PRELID2: variants seen among roughly 807,000 people sequenced by gnomAD.
PRELID2 encodes PRELI domain-containing protein 2.
PRELID2 carries 25 observed loss-of-function variants against 28.4 expected under a neutral mutation model. The ratio of observed to expected loss-of-function variants is 0.88; its 90% CI spans 0.64 to 1.23. PRELID2 has a LOEUF of 1.23. PRELID2 is among the 50% of genes most tolerant of loss of function. PRELID2 has a pLI of 0.00. For synonymous variants in PRELID2, 76 were observed against 71.6 expected (o/e 1.06, Z -0.31); for missense variants, 201 against 214.4 (o/e 0.94, Z 0.39).
chr5:145,251,275 A>G, the PRELID2 span, among the ~76,000 whole-genome samples: 1 of 152,106 alleles, frequency 6.6e-6, no homozygotes, highest in South Asian at 2.1e-4. Context: ...GAGCATAGTA[A>G]ATTATTTTCC....
At chr5:145,252,734 G>A in the PRELID2 span, among the ~76,000 whole-genome samples, 1 of 152,020 alleles carries the variant, frequency 6.6e-6, no homozygotes, top group Non-Finnish European at 1.5e-5. Flanking sequence ...TGTTTAAAAG[G>A]TACAGAGCTT....
chr5:145,732,942 G>C (rs996195389), intron 1 of PRELID2, among the ~76,000 whole-genome samples: 9 of 151,336 alleles, frequency 5.9e-5, no homozygotes, highest in African/African-American at 1.9e-4. Context: ...ATTATCCAAG[G>C]CACTAAAAAT....
At chr5:145,333,289 A>T in the PRELID2 span, among the ~76,000 whole-genome samples, 1 of 152,196 alleles carries the variant, frequency 6.6e-6, no homozygotes, top group Non-Finnish European at 1.5e-5. Context: ...TTAGCAGAGC[A>T]TGAGCGCTAT....
the PRELID2 span, chr5:145,229,830 G>A: frequency 1.2e-5 from 9 of 759,364 alleles, no homozygotes; most frequent in South Asian, 5.4e-5. Context: ...CCCCTGCATC[G>A]CCAAGTCCCA....
the PRELID2 span, among the ~76,000 whole-genome samples, chr5:145,267,791 CT>C: frequency 6.6e-6 from 1 of 152,138 alleles, no homozygotes; most frequent in Non-Finnish European, 1.5e-5. Flanking sequence ...ACAAAGGTTG[CT>C]TTTTCTGCAC....
chr5:145,545,209 G>A (rs960463492), intron 1 of PRELID2, among the ~76,000 whole-genome samples: 4 of 152,066 alleles, frequency 2.6e-5, no homozygotes, highest in African/African-American at 9.7e-5. Context: ...CTGATTTGGA[G>A]GTAGAGGTCA....
chr5:145,805,819 C>T (rs1308152185), intron 4 of PRELID2, among the ~76,000 whole-genome samples: 1 of 152,162 alleles, frequency 6.6e-6, no homozygotes, highest in East Asian at 1.9e-4. Flanking sequence ...TACAAAGCTG[C>T]ACATCATGTT....
chr5:145,490,554 T>C (rs997191001), intron 1 of PRELID2, among the ~76,000 whole-genome samples: 7 of 152,160 alleles, frequency 4.6e-5, no homozygotes, highest in Admixed American at 6.6e-5. Flanking sequence ...ATGAATCATA[T>C]CCATTCTAAG....
chr5:145,254,860 G>A, the PRELID2 span, among the ~76,000 whole-genome samples: 1 of 151,202 alleles, frequency 6.6e-6, no homozygotes, highest in Non-Finnish European at 1.5e-5. Context: ...AAGTCTGATG[G>A]CCAAATACGA....
chr5:145,695,008 T>A (rs150987831), intron 1 of PRELID2, among the ~76,000 whole-genome samples: 67 of 152,286 alleles, frequency 4.4e-4, no homozygotes, highest in Middle Eastern at 3.4e-3. Context: ...ACATGTCAGG[T>A]CCTCGGCTGG....
chr5:145,275,270 A>G, the PRELID2 span, among the ~76,000 whole-genome samples: 1 of 152,112 alleles, frequency 6.6e-6, no homozygotes, highest in Non-Finnish European at 1.5e-5. Flanking sequence ...GTCCTCATGG[A>G]CCACAGGAGA....
the PRELID2 span, among the ~76,000 whole-genome samples, chr5:145,462,247 C>T: frequency 6.6e-6 from 1 of 152,170 alleles, no homozygotes. Flanking sequence ...AATTGATTAT[C>T]ACAAACCTTA....
chr5:145,649,306 G>C (rs1419373050), intron 1 of PRELID2, among the ~76,000 whole-genome samples: 1 of 152,088 alleles, frequency 6.6e-6, no homozygotes, highest in East Asian at 1.9e-4. Context: ...GCGGGATCCG[G>C]AACCAATCCC....
chr5:145,300,275 C>T, the PRELID2 span, among the ~76,000 whole-genome samples: 1 of 152,084 alleles, frequency 6.6e-6, no homozygotes, highest in African/African-American at 2.4e-5. Context: ...CACTTCCTAC[C>T]TCATACCTGA....
intron 5 of PRELID2, among the ~76,000 whole-genome samples, chr5:145,785,619 T>G (rs1025807000): frequency 1.3e-5 from 2 of 152,200 alleles, no homozygotes; most frequent in Non-Finnish European, 2.9e-5. Context: ...GCTTTGATTA[T>G]TAGCACAAGG....
chr5:145,556,319 T>C (rs527310075), intron 1 of PRELID2, among the ~76,000 whole-genome samples: 1 of 152,314 alleles, frequency 6.6e-6, no homozygotes, highest in South Asian at 2.1e-4. Context: ...GCAATTCCAT[T>C]CTTCTTCCCT....
the PRELID2 span, among the ~76,000 whole-genome samples, chr5:145,457,594 G>T: frequency 6.6e-6 from 1 of 152,184 alleles, no homozygotes; most frequent in African/African-American, 2.4e-5. Flanking sequence ...ATGAGATAAT[G>T]CTGGTGACCT....
At chr5:145,411,200 A>T in the PRELID2 span, among the ~76,000 whole-genome samples, 4 of 152,220 alleles carry the variant, frequency 2.6e-5, no homozygotes, top group African/African-American at 9.6e-5. Flanking sequence ...GACAGAAGGC[A>T]AGGAGGAGCA....
At chr5:145,558,860 GA>G (rs1333483851) in intron 1 of PRELID2, among the ~76,000 whole-genome samples, 1 of 151,996 alleles carries the variant, frequency 6.6e-6, no homozygotes, top group African/African-American at 2.4e-5. Context: ...CAAAATCTAT[GA>G]AAAAAATGTG....
Sources: gnomAD v4.1 joint callset for allele counts (sites outside exome capture counted in the v4.1 genomes callset) on GRCh38, gnomAD v4.1.1 for gene constraint, MANE v1.5 for transcripts, NCBI Gene and HGNC (gene_info 2026-07-23, HGNC 2026-07-21) for gene names.